Variants in ATP9B observed in about 807,000 individuals in gnomAD.
ATP9B encodes ATPase phospholipid transporting 9B.
ATP9B carries 110 observed loss-of-function variants against 146.1 expected under a neutral mutation model. The observed-to-expected ratio is 0.75, with a 90% CI of 0.65 to 0.88. The LOEUF is 0.88. Among genes scored for constraint, ATP9B ranks in the 40% least tolerant of loss-of-function variants. ATP9B has a pLI of 0.00. For synonymous variants in ATP9B, 604 were observed against 569.7 expected (o/e 1.06, Z -0.86); for missense variants, 1,499 against 1,496.4 (o/e 1.00, Z -0.03).
At chr18:79,253,776 G>A (rs752672491) in intron 12 of ATP9B, 6 of 388,466 alleles carry the variant, frequency 1.5e-5, no homozygotes, top group African/African-American at 1.0e-4. Flanking sequence ...TGTGTTGATG[G>A]TGTCTTCTTC....
chr18:79,359,796 CTG>C (rs1433024019), intron 26 of ATP9B: 3 of 275,152 alleles, frequency 1.1e-5, no homozygotes, highest in East Asian at 1.6e-4. Flanking sequence ...GAAGATCTCA[CTG>C]TGTAATTTCT....
intron 13 of ATP9B, among the ~76,000 whole-genome samples, chr18:79,281,471 T>A (rs1004897004): frequency 3.2e-4 from 49 of 151,592 alleles, no homozygotes; most frequent in Non-Finnish European, 1.6e-4. Context: ...CATGCCAGCC[T>A]GGGCAACAGG....
chr18:79,185,185 T>C (rs898117425), intron 8 of ATP9B, among the ~76,000 whole-genome samples: 1 of 152,146 alleles, frequency 6.6e-6, no homozygotes, highest in Non-Finnish European at 1.5e-5. Context: ...CATACACATA[T>C]ATCAAAACAA....
At chr18:79,138,953 A>G (rs1230394423) in intron 5 of ATP9B, among the ~76,000 whole-genome samples, 3 of 152,094 alleles carry the variant, frequency 2.0e-5, no homozygotes, top group Non-Finnish European at 4.4e-5. Flanking sequence ...TTGTAGTCCC[A>G]TCTACTCCAG....
At chr18:79,375,328 C>A in intron 28 of ATP9B, 66 bp from the exon 29 acceptor site, 3 of 1,381,212 alleles carry the variant, frequency 2.2e-6, no homozygotes, top group South Asian at 2.5e-5. Flanking sequence ...TTTTGCTAAC[C>A]CCTTGAAATA....
intron 12 of ATP9B, among the ~76,000 whole-genome samples, chr18:79,272,244 C>T (rs1435512394): frequency 1.3e-5 from 2 of 152,170 alleles, no homozygotes; most frequent in Non-Finnish European, 2.9e-5. Context: ...TTTGTTTGTC[C>T]TTACATCTTG....
rs1377786495 is a variant in ATP9B, at chr18:79,152,653, T to C, written c.727-1851T>C. Among the ~76,000 whole-genome samples the C allele has an allele frequency of 4.6e-5, 7 of 152,180 alleles. 1 individual carries two copies. Among genetic ancestry groups the C allele is most frequent in the Admixed American group, 4.6e-4 (7 of 15,278 alleles). The stretch of plus-strand genomic sequence containing the variant: ...CAGTGGGGAAAGAACTTTTTTTTTC[T>C]CTTTTAGGCATTTTATTGTTTTGGC... On this transcript the variant is annotated intron_variant, in intron 6 of 29. Transcript: ENST00000426216.
At chr18:79,285,620 A>C (rs974694068) in intron 13 of ATP9B, among the ~76,000 whole-genome samples, 1 of 150,118 alleles carries the variant, frequency 6.7e-6, no homozygotes, top group African/African-American at 2.5e-5. Context: ...TCTTTAGTTT[A>C]ATTAGATCCC....
chr18:79,136,478 A>G lies in ATP9B; in HGVS notation c.668-7324A>G, dbSNP rs765555230. 3.9e-5 allele frequency among the ~76,000 whole-genome samples: 6 copies of G among 152,072 alleles called. No individual in the cohort carries two copies. The South Asian group carries it at 1.2e-3, about 32-fold the overall frequency. ...GCTAGGGATTCATTTAACTTTTTGA[A>G]TCTGTGGGATATAAGTTGCATTAAA... On this transcript the variant is annotated intron_variant, in intron 5 of 29. Transcript: ENST00000426216.
chr18:79,220,147 T>G (rs2095664308), intron 11 of ATP9B, among the ~76,000 whole-genome samples: 1 of 152,148 alleles, frequency 6.6e-6, no homozygotes, highest in African/African-American at 2.4e-5. Flanking sequence ...AGAGGGCTCC[T>G]TATGGACAAG....
chr18:79,205,477 ATTTCT>A (rs747911454), intron 9 of ATP9B, among the ~76,000 whole-genome samples: 1 of 151,656 alleles, frequency 6.6e-6, no homozygotes, highest in African/African-American at 2.4e-5. Flanking sequence ...TTCAAATTTG[ATTTCT>A]TTTTTTTTTT....
At chr18:79,106,596 C>T (rs575897686) in intron 2 of ATP9B, among the ~76,000 whole-genome samples, 3 of 152,190 alleles carry the variant, frequency 2.0e-5, no homozygotes, top group South Asian at 4.2e-4. Context: ...ATGATAGTGG[C>T]GTCTTAACCA....
intron 25 of ATP9B, among the ~76,000 whole-genome samples, chr18:79,357,621 G>C (rs1305003295): frequency 0.03 from 181 of 6,106 alleles, no homozygotes; most frequent in African/African-American, 0.051. Context: ...AGGTGTCTGT[G>C]TGAGGGGTGC....
chr18:79,123,860 G>A (rs905796035), intron 4 of ATP9B, among the ~76,000 whole-genome samples: 5 of 152,192 alleles, frequency 3.3e-5, no homozygotes, highest in African/African-American at 9.7e-5. Context: ...AAGGATCTGA[G>A]TAGACATTTA....
At chr18:79,168,248 A>G (rs924218307) in intron 7 of ATP9B, among the ~76,000 whole-genome samples, 4 of 152,248 alleles carry the variant, frequency 2.6e-5, no homozygotes, top group African/African-American at 7.2e-5. Context: ...TGGCGACTGC[A>G]GAGTCTGAGC....
chr18:79,165,757 G>C (rs1444068917), intron 7 of ATP9B, among the ~76,000 whole-genome samples: 2 of 152,062 alleles, frequency 1.3e-5, no homozygotes, highest in Admixed American at 6.5e-5. Context: ...CACTTCCTAG[G>C]CTATGGCTGC....
At chr18:79,265,283 T>C in intron 12 of ATP9B, among the ~76,000 whole-genome samples, 1 of 152,194 alleles carries the variant, frequency 6.6e-6, no homozygotes, top group Non-Finnish European at 1.5e-5. Flanking sequence ...TAGTATTCCA[T>C]GATGTAGATG....
At chr18:79,275,762 G>T (rs1047724236) in intron 12 of ATP9B, among the ~76,000 whole-genome samples, 2 of 152,218 alleles carry the variant, frequency 1.3e-5, no homozygotes, top group Non-Finnish European at 2.9e-5. Flanking sequence ...AGTCATCTTC[G>T]CTTAGTGCTT....
intron 7 of ATP9B, among the ~76,000 whole-genome samples, chr18:79,164,287 G>T (rs1178561170): frequency 6.6e-6 from 1 of 152,078 alleles, no homozygotes; most frequent in Non-Finnish European, 1.5e-5. Flanking sequence ...AATTGATAAC[G>T]CCAATAACTG....
Sources: gnomAD v4.1 joint callset for allele counts (sites outside exome capture counted in the v4.1 genomes callset) on GRCh38, gnomAD v4.1.1 for gene constraint, MANE v1.5 for transcripts, NCBI Gene and HGNC (gene_info 2026-07-23, HGNC 2026-07-21) for gene names.